AEBP2: variants seen among roughly 807,000 people sequenced by gnomAD.
AEBP2 encodes the protein AE binding protein 2.
A neutral mutation model predicts 50.8 loss-of-function variants in AEBP2; 10 were observed. That is an observed-to-expected ratio of 0.20 (90% CI 0.12 to 0.33). AEBP2 has a LOEUF of 0.33. Among genes scored for constraint, AEBP2 ranks in the 10% least tolerant of loss-of-function variants. The pLI is 1.00. For synonymous variants in AEBP2, 296 were observed against 261.3 expected, an observed-to-expected ratio of 1.13 and a Z score of -1.28; for missense variants, 570 against 688.0, an observed-to-expected ratio of 0.83 and a Z score of 1.92.
chr12:19,491,862 G>GATATGCAGTGAAGTGTGAGGACA (rs1347211951), intron 3 of AEBP2, among the ~76,000 whole-genome samples: 1 of 151,512 alleles, frequency 6.6e-6, no homozygotes, highest in Non-Finnish European at 1.5e-5. Context: ...AGTTGACATA[G>GATATGCAGTGAAGTGTGAGGACA]ATATGCAGTG....
At chr12:19,481,837 GT>G (rs1200840349) in intron 3 of AEBP2, among the ~76,000 whole-genome samples, 13 of 152,088 alleles carry the variant, frequency 8.5e-5, no homozygotes, top group Admixed American at 8.5e-4. Flanking sequence ...TGTGATTGCT[GT>G]TTCTTTATGA....
intron 2 of AEBP2, among the ~76,000 whole-genome samples, chr12:19,464,229 A>G (rs989605658): frequency 2.6e-5 from 4 of 152,178 alleles, no homozygotes; most frequent in African/African-American, 9.7e-5. Flanking sequence ...CCCCCAAGCC[A>G]TATGTCAGAT....
chr12:19,509,305 A>G (rs1949198980), intron 5 of AEBP2: 1 of 225,748 alleles, frequency 4.4e-6, no homozygotes, highest in Non-Finnish European at 8.8e-6. Flanking sequence ...AAAAAATTTC[A>G]TCTACTATGA....
At chr12:19,501,379 A>G (rs1326401985) in intron 5 of AEBP2, among the ~76,000 whole-genome samples, 1 of 151,986 alleles carries the variant, frequency 6.6e-6, no homozygotes, top group Non-Finnish European at 1.5e-5. Context: ...TCACACCTAT[A>G]ATCCTAGTAC....
chr12:19,422,998 G>C (rs1234377739), intron 1 of AEBP2, among the ~76,000 whole-genome samples: 1 of 140,088 alleles, frequency 7.1e-6, no homozygotes, highest in Non-Finnish European at 1.5e-5. Flanking sequence ...CCGGAAGGCA[G>C]AGGTTGCAGT....
intron 4 of AEBP2, 124 bp from the exon 5 acceptor site, chr12:19,499,973 A>G (rs1949041911): frequency 1.0e-6 from 1 of 966,358 alleles, no homozygotes; most frequent in Non-Finnish European, 1.5e-6. Context: ...ATGTTTTGTA[A>G]GCAAATAATA....
At chr12:19,467,685 A>G (rs925045539) in intron 2 of AEBP2, among the ~76,000 whole-genome samples, 1 of 152,180 alleles carries the variant, frequency 6.6e-6, no homozygotes, top group Non-Finnish European at 1.5e-5. Flanking sequence ...TCCTCTTAAT[A>G]TAAGTCTTGG....
chr12:19,465,013 A>G (rs1216811541), intron 2 of AEBP2, among the ~76,000 whole-genome samples: 2 of 152,188 alleles, frequency 1.3e-5, no homozygotes, highest in African/African-American at 2.4e-5. Context: ...TAATATTGAA[A>G]TGAAAAATCT....
chr12:19,446,753 A>G (rs1948076466), intron 1 of AEBP2, among the ~76,000 whole-genome samples: 1 of 138,068 alleles, frequency 7.2e-6, no homozygotes, highest in Non-Finnish European at 1.6e-5. Flanking sequence ...AAAAAAAAAG[A>G]TCTCATCTAC....
chr12:19,433,886 A>C (rs2095752750), intron 1 of AEBP2, among the ~76,000 whole-genome samples: 1 of 151,728 alleles, frequency 6.6e-6, no homozygotes, highest in Admixed American at 6.6e-5. Flanking sequence ...TCGCTCTGTC[A>C]CCTAGGCTGG....
intron 1 of AEBP2, among the ~76,000 whole-genome samples, chr12:19,427,921 T>C (rs1463374363): frequency 1.3e-5 from 2 of 152,264 alleles, no homozygotes; most frequent in South Asian, 2.1e-4. Flanking sequence ...TTTTTCTTTT[T>C]TCTGAGACGA....
At chr12:19,501,464 G>T (rs1010389962) in intron 5 of AEBP2, among the ~76,000 whole-genome samples, 2 of 151,766 alleles carry the variant, frequency 1.3e-5, no homozygotes, top group African/African-American at 4.8e-5. Flanking sequence ...GCAAATCCCT[G>T]TCTCTACAAA....
chr12:19,451,913 A>T (rs970019379), intron 1 of AEBP2, among the ~76,000 whole-genome samples: 1 of 151,914 alleles, frequency 6.6e-6, no homozygotes, highest in Non-Finnish European at 1.5e-5. Context: ...TATTTTTGAG[A>T]TGGATTCTTG....
intron 1 of AEBP2, chr12:19,413,023 C>G (rs771188826): frequency 1.6e-5 from 7 of 426,676 alleles, no homozygotes; most frequent in Non-Finnish European, 2.6e-5. Flanking sequence ...TGTGGGGTCC[C>G]CTGGCCTGGA....
intron 1 of AEBP2, among the ~76,000 whole-genome samples, chr12:19,425,176 A>G (rs1292613048): frequency 3.3e-5 from 5 of 152,190 alleles, no homozygotes; most frequent in Admixed American, 6.5e-5. Flanking sequence ...CTGTCTCTAC[A>G]TGTTGAAGGT....
At chr12:19,500,848 A>G (rs545778024) in intron 5 of AEBP2, among the ~76,000 whole-genome samples, 31 of 152,272 alleles carry the variant, frequency 2.0e-4, no homozygotes, top group Admixed American at 9.2e-4. Context: ...AAAAGAATAA[A>G]TACATTTTAT....
intron 2 of AEBP2, 41 bp downstream of exon 2, chr12:19,462,758 T>C (rs1254038312): frequency 1.3e-6 from 2 of 1,533,852 alleles, no homozygotes; most frequent in African/African-American, 2.8e-5. Flanking sequence ...CTGTTTTCGT[T>C]AGTTTTATTA....
At chr12:19,435,619 T>C (rs2095753828), upstream of AEBP2, among the ~76,000 whole-genome samples, 2 of 152,182 alleles carry the variant, frequency 1.3e-5, no homozygotes, top group Non-Finnish European at 2.9e-5. Context: ...TTCTTATGGT[T>C]AATTAACCTT....
At chr12:19,475,051 A>G (rs1371348695) in intron 3 of AEBP2, among the ~76,000 whole-genome samples, 3 of 152,164 alleles carry the variant, frequency 2.0e-5, no homozygotes, top group Non-Finnish European at 4.4e-5. Context: ...TTGGCCTCCC[A>G]AAGTGCTGGG....
Sources: gnomAD v4.1 joint callset for allele counts (sites outside exome capture counted in the v4.1 genomes callset) on GRCh38, gnomAD v4.1.1 for gene constraint, MANE v1.5 for transcripts, NCBI Gene and HGNC (gene_info 2026-07-23, HGNC 2026-07-21) for gene names.